The following PRKAA2 variants were observed in gnomAD, a reference collection of about 807,000 sequenced individuals.
The protein encoded by PRKAA2 is protein kinase AMP-activated catalytic subunit alpha 2.
PRKAA2 carries 40 observed loss-of-function variants against 56.3 expected under a neutral mutation model. That is an observed-to-expected ratio of 0.71 (90% confidence interval 0.55 to 0.92). The LOEUF (loss-of-function observed/expected upper bound fraction) is 0.92. PRKAA2 is among the 40% of genes least tolerant of loss of function. PRKAA2 has a pLI of 0.00. For missense variants in PRKAA2, 542 were observed against 686.9 expected (o/e 0.79, Z 2.36); for synonymous variants, 214 against 234.2 (o/e 0.91, Z 0.79).
At chr1:56,647,346 A>G (rs1646651534) in intron 1 of PRKAA2, among the ~76,000 whole-genome samples, 1 of 152,216 alleles carries the variant, frequency 6.6e-6, no homozygotes, top group South Asian at 2.1e-4. Flanking sequence ...ATATAACTTA[A>G]CCCTATGTCC....
intron 6 of PRKAA2, among the ~76,000 whole-genome samples, chr1:56,700,243 A>G (rs1024333320): frequency 3.9e-5 from 6 of 152,168 alleles, no homozygotes; most frequent in African/African-American, 1.4e-4. Flanking sequence ...ATGATCAGCT[A>G]GTGATTAGAT....
chr1:56,700,960 C>G (rs971906692), intron 6 of PRKAA2, among the ~76,000 whole-genome samples: 1 of 152,090 alleles, frequency 6.6e-6, no homozygotes, highest in Non-Finnish European at 1.5e-5. Flanking sequence ...CAAATCTCAC[C>G]TTTCTTATTG....
rs187294561 is a variant in PRKAA2, at chr1:56,674,374, T to C, written c.95-7T>C. 0.011 allele frequency: 16,227 copies of C among 1,529,408 alleles called. 96 individuals are homozygous for C. Among genetic ancestry groups the C allele is most frequent in the Non-Finnish European group, 0.012 (13,865 of 1,144,090 alleles). The allele number at this position is 1,529,408 out of a possible 1,614,324, so 94.7% of individuals were successfully genotyped here. The stretch of plus-strand genomic sequence containing the variant: ...AGCACATTTTTTTTCCTTTTTCTTT[T>C]CTTTAGTTGGAGAACATCAATTAAC... On this transcript the variant is annotated splice_region_variant and splice_polypyrimidine_tract_variant and intron_variant, in intron 1 of 8. Coordinates refer to ENST00000371244, the MANE Select transcript of PRKAA2 (RefSeq NM_006252.4).
chr1:56,659,343 A>G (rs945756552), intron 1 of PRKAA2, among the ~76,000 whole-genome samples: 4 of 151,582 alleles, frequency 2.6e-5, no homozygotes, highest in Non-Finnish European at 5.9e-5. Flanking sequence ...TAAAAATACA[A>G]AAAATGAGCT....
intron 6 of PRKAA2, among the ~76,000 whole-genome samples, chr1:56,697,353 C>T (rs942627146): frequency 1.3e-5 from 2 of 151,878 alleles, no homozygotes; most frequent in East Asian, 3.9e-4. Context: ...GACCTCTGAC[C>T]TTTGGAATAT....
intron 6 of PRKAA2, among the ~76,000 whole-genome samples, chr1:56,702,553 G>A (rs1042767880): frequency 2.0e-5 from 3 of 152,156 alleles, no homozygotes; most frequent in Non-Finnish European, 4.4e-5. Context: ...AGAAATATCT[G>A]ATTTCATTTG....
chr1:56,666,781 TG>T (rs1460802270), intron 1 of PRKAA2, among the ~76,000 whole-genome samples: 1 of 152,230 alleles, frequency 6.6e-6, no homozygotes, highest in East Asian at 1.9e-4. Context: ...AAATACTTTA[TG>T]TATACCTATA....
chr1:56,701,816 C>A (rs897515297), intron 6 of PRKAA2, among the ~76,000 whole-genome samples: 1 of 152,006 alleles, frequency 6.6e-6, no homozygotes, highest in Admixed American at 6.5e-5. Context: ...ATGGCGTGAA[C>A]CCAGGAAGCA....
chr1:56,695,185 T>G (rs1422629599), intron 5 of PRKAA2, among the ~76,000 whole-genome samples: 1 of 38,568 alleles, frequency 2.6e-5, no homozygotes, highest in Non-Finnish European at 5.6e-5. Flanking sequence ...TGATATATTA[T>G]ATATATATAT....
chr1:56,658,923 T>G (rs192345295), intron 1 of PRKAA2, among the ~76,000 whole-genome samples: 1 of 151,696 alleles, frequency 6.6e-6, no homozygotes, highest in African/African-American at 2.4e-5. Context: ...TCTTCCTGAG[T>G]GGCTGGGACT....
chr1:56,701,574 G>A (rs1208752744), intron 6 of PRKAA2, among the ~76,000 whole-genome samples: 2 of 152,104 alleles, frequency 1.3e-5, no homozygotes, highest in Non-Finnish European at 2.9e-5. Context: ...AGGTAGTAGG[G>A]TAGAGCTAAA....
chr1:56,658,077 AAC>A (rs1008449633), intron 1 of PRKAA2, among the ~76,000 whole-genome samples: 3 of 152,194 alleles, frequency 2.0e-5, no homozygotes, highest in African/African-American at 4.8e-5. Flanking sequence ...GAAATGTAAA[AAC>A]ACAAATTTTT....
chr1:56,701,893 C>G, intron 6 of PRKAA2, among the ~76,000 whole-genome samples: 1 of 126,578 alleles, frequency 7.9e-6, no homozygotes, highest in Admixed American at 8.0e-5. Context: ...GACTCTGTCT[C>G]AAAAAAAAAA....
intron 1 of PRKAA2, among the ~76,000 whole-genome samples, chr1:56,673,862 A>G (rs1644094660): frequency 6.6e-6 from 1 of 152,180 alleles, no homozygotes; most frequent in African/African-American, 2.4e-5. Flanking sequence ...TTTGAAAGAG[A>G]TAGAGATTCC....
chr1:56,678,717 A>G (rs997207479), intron 2 of PRKAA2, among the ~76,000 whole-genome samples: 8 of 144,498 alleles, frequency 5.5e-5, no homozygotes, highest in East Asian at 2.0e-4. Flanking sequence ...TTTTTTTGAG[A>G]CAAAGTCTCG....
chr1:56,702,146 C>T (rs1223923050), intron 6 of PRKAA2, among the ~76,000 whole-genome samples: 9 of 151,616 alleles, frequency 5.9e-5, no homozygotes, highest in East Asian at 2.0e-4. Context: ...TGCAATGGCA[C>T]GATCTCGGCT....
chr1:56,657,039 A>G lies in PRKAA2; in HGVS notation c.94+11558A>G, dbSNP rs115920870. 6.0e-3 allele frequency among the ~76,000 whole-genome samples: 915 copies of G among 152,306 alleles called. 5 individuals are homozygous for G. Among genetic ancestry groups the G allele is most frequent in the African/African-American group, 0.021 (872 of 41,570 alleles). On this transcript the variant is annotated intron_variant, in intron 1 of 8. Transcript: ENST00000371244. ...ACTGATTAAATGCCTCAAGCCACAG[A>G]TTCAGAAGCCCCCAGCAGAATAAAT...
intron 1 of PRKAA2, among the ~76,000 whole-genome samples, chr1:56,652,510 G>A (rs1017913860): frequency 6.6e-6 from 1 of 152,180 alleles, no homozygotes; most frequent in Non-Finnish European, 1.5e-5. Flanking sequence ...CAAATGATTT[G>A]ATGTTCTAGA....
In PRKAA2 at chr1:56,713,109, A is replaced by G. The variant is rs1426895013; in HGVS notation, c.*5396A>G. 1 of 152,222 alleles carries G rather than the reference A, an allele frequency of 6.6e-6. No homozygotes were observed. The highest frequency in any genetic ancestry group is 6.5e-5 in the Admixed American group (1 of 15,274). 9.4% of individuals were successfully genotyped at this position (152,222 alleles called of 1,614,324 possible). On this transcript the variant is annotated 3_prime_UTR_variant, in exon 9 of 9. Coordinates refer to ENST00000371244, the MANE Select transcript of PRKAA2 (RefSeq NM_006252.4). ...CTTATGTTTGAGCTTTAAAAATTAT[A>G]AAAACTTCATTTAAACAAGTTGCTG...
Sources: allele counts gnomAD v4.1 joint callset (sites outside exome capture counted in the v4.1 genomes callset), GRCh38; gene constraint gnomAD v4.1.1; transcripts MANE v1.5; gene names NCBI Gene and HGNC (gene_info 2026-07-23, HGNC 2026-07-21).